CEP192: variants seen among roughly 807,000 people sequenced by gnomAD.
CEP192 encodes centrosomal protein of 192 kDa.
CEP192 carries 151 observed loss-of-function variants against 271.8 expected under a neutral mutation model. The ratio of observed to expected loss-of-function variants is 0.56; its 90% CI spans 0.49 to 0.64. The LOEUF (loss-of-function observed/expected upper bound fraction) is 0.64. CEP192 is among the 30% of genes least tolerant of loss of function. CEP192 has a pLI of 0.00. For missense variants in CEP192, 2,910 were observed against 3,020.5 expected, an observed-to-expected ratio of 0.96 and a Z score of 0.86; for synonymous variants, 995 against 1,076.5, an observed-to-expected ratio of 0.92 and a Z score of 1.48.
intron 38 of CEP192, among the ~76,000 whole-genome samples, chr18:13,101,847 C>T (rs2039720990): frequency 6.6e-6 from 1 of 152,156 alleles, no homozygotes; most frequent in Non-Finnish European, 1.5e-5. Flanking sequence ...TGCTCTCTCC[C>T]AGCCCGCCCA....
At chr18:13,094,559 T>A (rs2039298625) in intron 34 of CEP192, among the ~76,000 whole-genome samples, 1 of 152,192 alleles carries the variant, frequency 6.6e-6, no homozygotes, top group South Asian at 2.1e-4. Context: ...CACAGCAGGA[T>A]GTTTAGGCTC....
chr18:13,094,092 T>C (rs1288306563), intron 34 of CEP192, among the ~76,000 whole-genome samples: 1 of 152,242 alleles, frequency 6.6e-6, no homozygotes, highest in Non-Finnish European at 1.5e-5. Flanking sequence ...GTAGGAATGA[T>C]GCTGTTTGTT....
intron 30 of CEP192, among the ~76,000 whole-genome samples, chr18:13,084,037 C>A (rs1340811861): frequency 6.6e-6 from 1 of 152,128 alleles, no homozygotes; most frequent in Non-Finnish European, 1.5e-5. Flanking sequence ...GTCATTCGGC[C>A]CCTGCTGGGA....
intron 34 of CEP192, among the ~76,000 whole-genome samples, chr18:13,093,577 G>C (rs1038489435): frequency 1.3e-5 from 2 of 152,238 alleles, no homozygotes; most frequent in African/African-American, 4.8e-5. Context: ...GGGACTGGCA[G>C]TGGTGCTTCC....
At chr18:13,008,742 C>A in intron 4 of CEP192, 111 bp downstream of exon 4, 1 of 835,086 alleles carries the variant, frequency 1.2e-6, no homozygotes, top group Non-Finnish European at 1.8e-6. Flanking sequence ...GCACTCCTGT[C>A]GCCCAGGCTG....
chr18:13,029,591 A>G lies in CEP192; in HGVS notation c.1051-72A>G, dbSNP rs1446064931. 4.2e-6 allele frequency: 4 copies of G among 942,102 alleles called. No homozygotes were observed. In the Admixed American group the frequency reaches 1.2e-4, roughly 28 times the overall value. The allele number at this position is 942,102 out of a possible 1,614,324, so 58.4% of individuals were successfully genotyped here. ...TATCAACTATATAATTTTTCCCATA[A>G]ATTTTAAAATAAGTTATAAAAAACA... On this transcript the variant is annotated intron_variant, in intron 9 of 44. Coordinates refer to ENST00000506447, the MANE Select transcript of CEP192 (RefSeq NM_032142.4).
rs540869727 is a variant in CEP192, at chr18:13,092,368, C to T, written c.6104-9C>T. ...ATTCATGTATTTCAAACATTATTTT[C>T]TATTTCAGTATATGATCTTCCCCAA... On this transcript the variant is annotated splice_polypyrimidine_tract_variant and intron_variant, in intron 33 of 44. Coordinates refer to ENST00000506447, the MANE Select transcript of CEP192 (RefSeq NM_032142.4). 48 of 1,556,842 alleles carry T rather than the reference C, an allele frequency of 3.1e-5. No homozygotes were observed. In the Admixed American group the frequency reaches 3.1e-4, roughly 10 times the overall value.
rs1178981753 is a variant in CEP192, at chr18:13,049,831, C to G, written c.2957C>G (p.Pro986Arg). 1 of 1,613,944 alleles carries G rather than the reference C, an allele frequency of 6.2e-7. No homozygotes were observed. Among genetic ancestry groups the G allele is most frequent in the South Asian group, 1.1e-5 (1 of 91,080 alleles). ...GSEDEQESFR[P>R]STSPLSHSSP... Reference sequence around the variant, plus strand: ...GAGGATGAGCAGGAGAGCTTCAGACCTTCCACGTCACCACTGAGTCATTCT... The same window carrying G: ...GAGGATGAGCAGGAGAGCTTCAGACGTTCCACGTCACCACTGAGTCATTCT... The change falls in exon 17 of 45, where the codon CCT (proline) becomes CGT (arginine). Residue 986 changes from proline (P) to arginine (R), a missense_variant. Physicochemically the swap from Pro to Arg is moderately radical, Grantham distance 103 (BLOSUM62 -2). Transcript: ENST00000506447.
intron 30 of CEP192, among the ~76,000 whole-genome samples, chr18:13,078,365 C>T (rs2038401981): frequency 6.6e-6 from 1 of 152,142 alleles, no homozygotes; most frequent in South Asian, 2.1e-4. Flanking sequence ...CAAGTCTTTG[C>T]TATTGTGAAC....
chr18:13,059,507 A>G (rs990269603), intron 21 of CEP192, among the ~76,000 whole-genome samples, 195 bp downstream of exon 21: 4 of 152,368 alleles, frequency 2.6e-5, no homozygotes, highest in Middle Eastern at 3.4e-3. Context: ...ACACAAGTAT[A>G]CTTGCTTAGA....
chr18:12,993,222 T>C (rs1413067800), intron 1 of CEP192, among the ~76,000 whole-genome samples: 1 of 152,068 alleles, frequency 6.6e-6, no homozygotes, highest in Non-Finnish European at 1.5e-5. Context: ...TTAATAGGGA[T>C]GGATTTGGGT....
At position 13,049,032 on chromosome 18, in the gene CEP192, C is replaced by G. The variant is rs749572841; in HGVS notation, c.2241C>G (p.Asp747Glu). ...MIKALSNKTR[D>E]KTFQEDEKQK... is the part of the protein sequence containing the mutation. ...AGGCACTTTCAAATAAAACCAGAGA[C>G]AAGACTTTTCAGGAAGATGAGAAAC... Residue 747 changes from aspartate (D) to glutamate (E), a missense_variant, in exon 16 of 45, where the codon GAC (aspartate) becomes GAG (glutamate). Asp to Glu is a conservative substitution (Grantham distance 45). Transcript: ENST00000506447. 1.2e-6 allele frequency: 2 copies of G among 1,614,032 alleles called. No individual in the cohort carries two copies. Among genetic ancestry groups the G allele is most frequent in the Non-Finnish European group, 1.7e-6 (2 of 1,180,002 alleles).
chr18:13,073,213 C>A, intron 30 of CEP192, 28 bp downstream of exon 30: 1 of 1,561,596 alleles, frequency 6.4e-7, no homozygotes, highest in Non-Finnish European at 8.7e-7. Flanking sequence ...CCTTTCCCTT[C>A]CCCTGGAGTT....
chr18:13,089,599 C>A (rs1158196931), intron 33 of CEP192, 34 bp downstream of exon 33: 1 of 1,044,822 alleles, frequency 9.6e-7, no homozygotes, highest in Non-Finnish European at 1.5e-6. Flanking sequence ...TGTATTAAAT[C>A]TTTTGGGTCA....
intron 32 of CEP192, 72 bp from the exon 33 acceptor site, chr18:13,089,384 G>A (rs748082552): frequency 3.5e-5 from 25 of 713,254 alleles, no homozygotes; most frequent in Non-Finnish European, 2.1e-5. Context: ...AAATGCATTA[G>A]TGAAAATCTA....
In CEP192 at chr18:13,073,316, G is replaced by A. The variant is rs1213233576; in HGVS notation, c.5616+131G>A. 6.3e-6 allele frequency: 5 copies of A among 798,080 alleles called. No homozygotes were observed. The African/African-American group carries it at 8.7e-5, about 14-fold the overall frequency. The allele number at this position is 798,080 out of a possible 1,614,324, so 49.4% of individuals were successfully genotyped here. A position where few individuals can be genotyped will look rare whatever the true frequency, so the allele number is the denominator to read the frequency against. Reference sequence around the variant, plus strand: ...TGTAATTATCTAGACTTACAAACAAGTTAGGGAGTAATTTATATGCTTTGT... The same window carrying A: ...TGTAATTATCTAGACTTACAAACAAATTAGGGAGTAATTTATATGCTTTGT... On this transcript the variant is annotated intron_variant, in intron 30 of 44. Transcript: ENST00000506447.
chr18:13,102,517 G>T (rs1043919178), intron 38 of CEP192, among the ~76,000 whole-genome samples: 1 of 152,082 alleles, frequency 6.6e-6, no homozygotes, highest in African/African-American at 2.4e-5. Context: ...TTAGGCCATG[G>T]CTGCTGTCAC....
chr18:13,070,861 A>T (rs962403990), intron 27 of CEP192, among the ~76,000 whole-genome samples, 178 bp from the exon 28 acceptor site: 4 of 152,200 alleles, frequency 2.6e-5, no homozygotes, highest in Non-Finnish European at 4.4e-5. Context: ...CCCTGTGCAG[A>T]TGCCATTGTG....
intron 2 of CEP192, among the ~76,000 whole-genome samples, chr18:13,000,141 A>G (rs1391201738): frequency 4.0e-5 from 4 of 100,168 alleles, no homozygotes; most frequent in Non-Finnish European, 6.0e-5. Flanking sequence ...AATATTTTAT[A>G]GAGATAGGGT....
Sources: allele counts gnomAD v4.1 joint callset (sites outside exome capture counted in the v4.1 genomes callset), GRCh38; gene constraint gnomAD v4.1.1; transcripts MANE v1.5; gene names NCBI Gene and HGNC (gene_info 2026-07-23, HGNC 2026-07-21).